SCUBE2: variants seen among roughly 807,000 people sequenced by gnomAD.
SCUBE2 encodes signal peptide, CUB and EGF-like domain-containing protein 2.
A neutral mutation model predicts 125.9 loss-of-function variants in SCUBE2; 114 were observed. The observed-to-expected ratio is 0.91, with a 90% confidence interval of 0.78 to 1.06. SCUBE2 has a LOEUF of 1.06. Among genes scored for constraint, SCUBE2 ranks in the 50% least tolerant of loss-of-function variants. SCUBE2 has a pLI of 0.00. For synonymous variants in SCUBE2, 459 were observed against 492.9 expected (o/e 0.93, Z 0.91); for missense variants, 1,255 against 1,301.8 (o/e 0.96, Z 0.55).
chr11:9,088,858 G>C (rs1400725193), intron 2 of SCUBE2, among the ~76,000 whole-genome samples: 2 of 152,234 alleles, frequency 1.3e-5, no homozygotes, highest in Non-Finnish European at 2.9e-5. Flanking sequence ...GTTGGGGACA[G>C]AGCTAGGGGT....
chr11:9,021,230 A>G (rs755125041), intron 22 of SCUBE2, 33 bp from the exon 23 acceptor site: 45 of 1,508,670 alleles, frequency 3.0e-5, no homozygotes, highest in South Asian at 1.3e-4. Context: ...TACTGGGCCA[A>G]AATATTTAAA....
chr11:9,027,217 T>G, intron 20 of SCUBE2, 147 bp downstream of exon 20: 1 of 739,046 alleles, frequency 1.4e-6, no homozygotes, highest in Non-Finnish European at 2.2e-6. Context: ...TAAATTTTGT[T>G]TCTCACCAAC....
intron 16 of SCUBE2, 72 bp from the exon 17 acceptor site, chr11:9,033,868 T>C (rs577936174): frequency 1.3e-6 from 2 of 1,493,694 alleles, no homozygotes; most frequent in African/African-American, 2.8e-5. Flanking sequence ...GTTCTAGAGA[T>C]GAAGGCAAAT....
At chr11:9,033,495 C>T (rs1378032295) in intron 17 of SCUBE2, 131 bp downstream of exon 17, 10 of 1,004,736 alleles carry the variant, frequency 1.0e-5, no homozygotes, top group Middle Eastern at 3.3e-4. Context: ...AAAGATGAAT[C>T]GAGCCAACGT....
chr11:9,053,372 A>T (rs1472735093), intron 11 of SCUBE2, among the ~76,000 whole-genome samples, 157 bp from the exon 12 acceptor site: 3 of 152,278 alleles, frequency 2.0e-5, no homozygotes, highest in Middle Eastern at 3.2e-3. Context: ...ACCAAGGGAA[A>T]GGAGCCCCTG....
At chr11:9,047,653 C>A in intron 15 of SCUBE2, 91 bp from the exon 16 acceptor site, 2 of 1,315,798 alleles carry the variant, frequency 1.5e-6, no homozygotes, top group Non-Finnish European at 2.1e-6. Context: ...ACCAACACCC[C>A]GAGCTCCCTG....
rs575154426 is a variant in SCUBE2, at chr11:9,063,085, CA to C, written c.851-2562del. On this transcript the variant is annotated intron_variant, in intron 7 of 22. Coordinates refer to ENST00000649792, the MANE Select transcript of SCUBE2 (RefSeq NM_001367977.2). ...CAAAATCCCTTTTCTACTAAAAATA[CA>C]AAAAAAAAAATTAGCCAGGCATGGT... Among the ~76,000 whole-genome samples the C allele has an allele frequency of 2.4e-3, 342 of 144,780 alleles. 1 individual carries two copies. The highest frequency in any genetic ancestry group is 3.4e-3 in the Non-Finnish European group (220 of 65,606). 95.0% of individuals were successfully genotyped at this position (144,780 alleles called of 152,430 possible). A position where few individuals can be genotyped will look rare whatever the true frequency, so the allele number is the denominator to read the frequency against.
At chr11:9,085,171 T>C (rs1861950690) in intron 2 of SCUBE2, among the ~76,000 whole-genome samples, 1 of 152,190 alleles carries the variant, frequency 6.6e-6, no homozygotes, top group Non-Finnish European at 1.5e-5. Flanking sequence ...AACTGCTAAA[T>C]CTAATGTGGG....
intron 5 of SCUBE2, among the ~76,000 whole-genome samples, chr11:9,068,936 G>A (rs1251831166): frequency 3.3e-5 from 5 of 152,192 alleles, no homozygotes; most frequent in African/African-American, 1.2e-4. Flanking sequence ...AAGGCAGGAG[G>A]GCTTGGGAAA....
At chr11:9,089,088 C>T (rs1285174429) in intron 2 of SCUBE2, among the ~76,000 whole-genome samples, 1 of 152,220 alleles carries the variant, frequency 6.6e-6, no homozygotes, top group African/African-American at 2.4e-5. Flanking sequence ...GACTCTAGTC[C>T]AGATTATAAA....
chr11:9,051,196 A>C (rs1384860487), intron 13 of SCUBE2, among the ~76,000 whole-genome samples: 1 of 140,308 alleles, frequency 7.1e-6, no homozygotes, highest in African/African-American at 2.6e-5. Context: ...CTATCTATCT[A>C]TCTATCTATC....
chr11:9,024,132 T>C, intron 21 of SCUBE2: 1 of 894,242 alleles, frequency 1.1e-6, no homozygotes, highest in Non-Finnish European at 1.4e-6. Flanking sequence ...TTATGCGTAA[T>C]TTTCCCCAGT....
chr11:9,024,555 T>A, intron 21 of SCUBE2: 1 of 482,296 alleles, frequency 2.1e-6, no homozygotes, highest in Non-Finnish European at 3.6e-6. Flanking sequence ...CTCCAGAGCT[T>A]GGCCCTGAAG....
At chr11:9,035,717 A>G (rs1287391017) in intron 16 of SCUBE2, among the ~76,000 whole-genome samples, 1 of 152,196 alleles carries the variant, frequency 6.6e-6, no homozygotes, top group East Asian at 1.9e-4. Flanking sequence ...AATCTTAAAA[A>G]AAAAATCAGG....
At chr11:9,053,333 A>G (rs1310863642) in intron 11 of SCUBE2, 118 bp from the exon 12 acceptor site, 31 of 859,876 alleles carry the variant, frequency 3.6e-5, no homozygotes, top group Non-Finnish European at 5.2e-5. Context: ...CATGCCCAGC[A>G]CAGAACATAG....
chr11:9,069,279 G>A (rs1860549903), intron 5 of SCUBE2, 91 bp downstream of exon 5: 8 of 1,538,352 alleles, frequency 5.2e-6, no homozygotes, highest in Non-Finnish European at 6.2e-6. Context: ...CTGCAGCCGT[G>A]CCATGAGGTG....
At chr11:9,072,364 A>G (rs1218632060) in intron 4 of SCUBE2, among the ~76,000 whole-genome samples, 1 of 152,052 alleles carries the variant, frequency 6.6e-6, no homozygotes, top group African/African-American at 2.4e-5. Flanking sequence ...GCCCACCACC[A>G]CGCCCGGCTA....
intron 2 of SCUBE2, among the ~76,000 whole-genome samples, chr11:9,086,588 C>T (rs566925630): frequency 6.6e-6 from 1 of 151,904 alleles, no homozygotes; most frequent in Admixed American, 6.6e-5. Flanking sequence ...CGCAGTGGCT[C>T]ACGCCTATAA....
At chr11:9,050,469 G>C (rs1363929148) in intron 14 of SCUBE2, 137 bp downstream of exon 14, 6 of 673,232 alleles carry the variant, frequency 8.9e-6, no homozygotes, top group Non-Finnish European at 1.6e-5. Context: ...CTGGAAGTTG[G>C]GGATGGTTCA....
Sources: allele counts gnomAD v4.1 joint callset (sites outside exome capture counted in the v4.1 genomes callset), GRCh38; gene constraint gnomAD v4.1.1; transcripts MANE v1.5; gene names NCBI Gene and HGNC (gene_info 2026-07-23, HGNC 2026-07-21).